The following PTPRM variants were observed in gnomAD, a reference collection of about 807,000 sequenced individuals.
PTPRM encodes receptor-type tyrosine-protein phosphatase mu.
PTPRM carries 47 observed loss-of-function variants against 186.7 expected under a neutral mutation model. The ratio of observed to expected loss-of-function variants is 0.25; its 90% confidence interval spans 0.20 to 0.32. PTPRM has a LOEUF of 0.32. PTPRM is among the 10% of genes least tolerant of loss of function. PTPRM has a pLI of 1.00. For missense variants in PTPRM, 1,494 were observed against 1,865.0 expected (o/e 0.80, Z 3.66); for synonymous variants, 668 against 674.9 (o/e 0.99, Z 0.16).
At chr18:8,187,322 CA>C (rs1472088606) in intron 14 of PTPRM, among the ~76,000 whole-genome samples, 3 of 152,122 alleles carry the variant, frequency 2.0e-5, no homozygotes. Flanking sequence ...GTGGAAGCAA[CA>C]TCTGTCTTGG....
chr18:8,010,732 G>A (rs911649291), intron 7 of PTPRM, among the ~76,000 whole-genome samples: 4 of 152,134 alleles, frequency 2.6e-5, no homozygotes, highest in Non-Finnish European at 5.9e-5. Flanking sequence ...ATTTAAGGAG[G>A]TGGCATACTT....
intron 1 of PTPRM, among the ~76,000 whole-genome samples, chr18:7,580,456 T>C (rs948985957): frequency 1.3e-5 from 2 of 152,220 alleles, no homozygotes; most frequent in Admixed American, 6.5e-5. Context: ...TACTTGAGAA[T>C]GTAGCTACCA....
intron 1 of PTPRM, among the ~76,000 whole-genome samples, chr18:7,590,698 G>A (rs1251031471): frequency 6.6e-6 from 1 of 152,198 alleles, no homozygotes; most frequent in Non-Finnish European, 1.5e-5. Flanking sequence ...AGATAGTGAT[G>A]TGGGACAAAA....
At chr18:8,000,129 T>G (rs2083780201) in intron 7 of PTPRM, among the ~76,000 whole-genome samples, 1 of 152,194 alleles carries the variant, frequency 6.6e-6, no homozygotes, top group South Asian at 2.1e-4. Context: ...TCTGCTTTGC[T>G]CAGTAACGTG....
At chr18:7,793,927 C>T (rs1159565062) in intron 2 of PTPRM, among the ~76,000 whole-genome samples, 4 of 152,102 alleles carry the variant, frequency 2.6e-5, no homozygotes, top group African/African-American at 9.7e-5. Flanking sequence ...AAGAGGACAT[C>T]GAGGGGAACA....
intron 1 of PTPRM, among the ~76,000 whole-genome samples, chr18:7,722,414 G>A (rs761530001): frequency 2.6e-5 from 4 of 152,032 alleles, no homozygotes; most frequent in African/African-American, 4.8e-5. Flanking sequence ...TATGAAGTAG[G>A]AGACATACTG....
chr18:7,844,970 G>A (rs1653211221), intron 2 of PTPRM, among the ~76,000 whole-genome samples: 1 of 152,082 alleles, frequency 6.6e-6, no homozygotes, highest in Non-Finnish European at 1.5e-5. Context: ...TGATGAATGA[G>A]AATCCCTTGA....
chr18:7,573,534 C>T (rs1233798037), intron 1 of PTPRM, among the ~76,000 whole-genome samples: 2 of 152,088 alleles, frequency 1.3e-5, no homozygotes, highest in African/African-American at 4.8e-5. Context: ...GGTTTGTAGC[C>T]ACAGTTGAAG....
intron 1 of PTPRM, among the ~76,000 whole-genome samples, chr18:7,633,002 A>G (rs778761627): frequency 2.0e-5 from 3 of 152,178 alleles, no homozygotes; most frequent in Non-Finnish European, 4.4e-5. Context: ...GCATCACACC[A>G]CAGTATGTCA....
At chr18:8,237,880 T>C (rs2094364652) in intron 14 of PTPRM, among the ~76,000 whole-genome samples, 1 of 152,238 alleles carries the variant, frequency 6.6e-6, no homozygotes, top group Non-Finnish European at 1.5e-5. Context: ...ACTTTGTTCT[T>C]GTTTGAATGG....
At chr18:7,621,167 G>A (rs2037928461) in intron 1 of PTPRM, among the ~76,000 whole-genome samples, 1 of 152,176 alleles carries the variant, frequency 6.6e-6, no homozygotes, top group South Asian at 2.1e-4. Flanking sequence ...ATATTCATAT[G>A]AGGCAGTAGA....
At chr18:8,138,005 A>G (rs765261289) in intron 13 of PTPRM, among the ~76,000 whole-genome samples, 5 of 152,152 alleles carry the variant, frequency 3.3e-5, no homozygotes, top group Admixed American at 6.5e-5. Context: ...AAACGTACTA[A>G]ATAAGGGGCT....
At chr18:7,769,854 A>G (rs1300111871) in intron 1 of PTPRM, among the ~76,000 whole-genome samples, 7 of 152,152 alleles carry the variant, frequency 4.6e-5, no homozygotes, top group Non-Finnish European at 7.4e-5. Flanking sequence ...TTCCCAAGGT[A>G]TGATGGAGAC....
chr18:7,764,954 A>G (rs576421192), intron 1 of PTPRM, among the ~76,000 whole-genome samples: 38 of 152,320 alleles, frequency 2.5e-4, no homozygotes, highest in African/African-American at 8.7e-4. Flanking sequence ...ATTCAGATAG[A>G]TTCACATTTA....
intron 2 of PTPRM, among the ~76,000 whole-genome samples, chr18:7,850,916 A>G (rs1179931535): frequency 6.6e-6 from 1 of 152,246 alleles, no homozygotes; most frequent in South Asian, 2.1e-4. Context: ...GGAGATCCAG[A>G]TACTAGAGTT....
intron 13 of PTPRM, among the ~76,000 whole-genome samples, chr18:8,127,616 T>C (rs1213325907): frequency 6.6e-6 from 1 of 152,104 alleles, no homozygotes; most frequent in East Asian, 1.9e-4. Flanking sequence ...CCCCTCCAGT[T>C]AGCCTTCCTT....
chr18:8,252,935 A>C (rs2147391270), intron 18 of PTPRM, among the ~76,000 whole-genome samples: 1 of 152,254 alleles, frequency 6.6e-6, no homozygotes, highest in Non-Finnish European at 1.5e-5. Context: ...TCAGGTTGAA[A>C]CTTTCACAAA....
At chr18:8,005,597 C>A (rs2084132017) in intron 7 of PTPRM, among the ~76,000 whole-genome samples, 1 of 152,110 alleles carries the variant, frequency 6.6e-6, no homozygotes, top group Non-Finnish European at 1.5e-5. Flanking sequence ...TAGCAGGGCC[C>A]AGATTCATAT....
intron 7 of PTPRM, among the ~76,000 whole-genome samples, chr18:8,043,077 C>T (rs565283397): frequency 1.2e-3 from 176 of 152,250 alleles, no homozygotes; most frequent in African/African-American, 4.0e-3. Context: ...GTCTTCAGGC[C>T]CTTTGCTGAC....
Sources: gnomAD v4.1 joint callset for allele counts (sites outside exome capture counted in the v4.1 genomes callset) on GRCh38, gnomAD v4.1.1 for gene constraint, MANE v1.5 for transcripts, NCBI Gene and HGNC (gene_info 2026-07-23, HGNC 2026-07-21) for gene names.